Variants in SNTG1 observed in about 807,000 individuals in gnomAD.
SNTG1 encodes the protein gamma-1-syntrophin.
SNTG1 carries 39 observed loss-of-function variants against 74.7 expected under a neutral mutation model. The observed-to-expected ratio is 0.52, with a 90% CI of 0.40 to 0.68. SNTG1 has a LOEUF of 0.68. Ranked by LOEUF, SNTG1 falls within the 30% of genes least tolerant of loss-of-function variation. The pLI is 0.00. For missense variants in SNTG1, 685 were observed against 609.5 expected (o/e 1.12, Z -1.30); for synonymous variants, 254 against 217.1 (o/e 1.17, Z -1.49).
intron 2 of SNTG1, among the ~76,000 whole-genome samples, chr8:50,333,999 C>A (rs539327879): frequency 6.6e-6 from 1 of 152,250 alleles, no homozygotes; most frequent in African/African-American, 2.4e-5. Context: ...CGGGTTCAAG[C>A]GATTCTCCTG....
chr8:50,488,413 T>C (rs1394118626), intron 8 of SNTG1, among the ~76,000 whole-genome samples: 4 of 152,184 alleles, frequency 2.6e-5, no homozygotes, highest in Non-Finnish European at 5.9e-5. Context: ...CCTAAGTATC[T>C]GTATGGCAAA....
At chr8:49,961,876 C>T (rs1456392275) in intron 1 of SNTG1, among the ~76,000 whole-genome samples, 1 of 152,168 alleles carries the variant, frequency 6.6e-6, no homozygotes, top group African/African-American at 2.4e-5. Flanking sequence ...TAAGTACTAT[C>T]AAGTCACCTC....
At chr8:49,939,540 A>T (rs1160699117) in intron 1 of SNTG1, among the ~76,000 whole-genome samples, 8 of 152,172 alleles carry the variant, frequency 5.3e-5, no homozygotes, top group Admixed American at 4.6e-4. Context: ...GGCTCAAACA[A>T]TCTTTTCCAC....
At chr8:50,341,980 T>C (rs924076530) in intron 2 of SNTG1, among the ~76,000 whole-genome samples, 54 of 152,090 alleles carry the variant, frequency 3.6e-4, no homozygotes, top group Non-Finnish European at 1.5e-5. Context: ...ATTAAATTTC[T>C]ATTCCAAATA....
chr8:50,698,225 T>C (rs2095411680), intron 15 of SNTG1, among the ~76,000 whole-genome samples: 1 of 152,184 alleles, frequency 6.6e-6, no homozygotes, highest in South Asian at 2.1e-4. Context: ...GGTTTTCTAG[T>C]TTGTGAGCAT....
chr8:50,395,466 C>T lies in SNTG1; in HGVS notation c.27+1201C>T, dbSNP rs144634682. Among the ~76,000 whole-genome samples, 10 of 138,886 alleles carry T rather than the reference C, an allele frequency of 7.2e-5. No homozygotes were observed. The East Asian group carries it at 1.9e-3, about 27-fold the overall frequency. 91.1% of individuals were successfully genotyped at this position (138,886 alleles called of 152,430 possible). A position where few individuals can be genotyped will look rare whatever the true frequency, so the allele number is the denominator to read the frequency against. ...TATTTTTAAAAACTGAATTAATGTT[C>T]TAGAAGCTTTGTATTTTAAATTTTA... On this transcript the variant is annotated intron_variant, in intron 3 of 18. Coordinates refer to ENST00000642720, the MANE Select transcript of SNTG1 (RefSeq NM_018967.5).
At chr8:50,541,471 T>G (rs986513418) in intron 11 of SNTG1, among the ~76,000 whole-genome samples, 1 of 152,122 alleles carries the variant, frequency 6.6e-6, no homozygotes, top group African/African-American at 2.4e-5. Flanking sequence ...TCTTCACCTC[T>G]GTTATTTGAT....
chr8:50,705,588 ACACT>A (rs1222662363), intron 16 of SNTG1, among the ~76,000 whole-genome samples: 20 of 152,134 alleles, frequency 1.3e-4, no homozygotes, highest in African/African-American at 4.6e-4. Context: ...AGGATTGCAC[ACACT>A]CAGTCTGTTT....
chr8:50,348,543 G>A (rs10504104), intron 2 of SNTG1, among the ~76,000 whole-genome samples: 11,890 of 152,212 alleles, frequency 0.078, 540 homozygotes, highest in African/African-American at 0.12. Context: ...TCACCGCAAG[G>A]AGTAAGGTCT....
intron 2 of SNTG1, among the ~76,000 whole-genome samples, chr8:50,185,817 T>C (rs934582213): frequency 6.6e-6 from 1 of 152,068 alleles, no homozygotes; most frequent in African/African-American, 2.4e-5. Context: ...ACACTATTGT[T>C]TTTTATTTTA....
rs181824463 is a variant in SNTG1, at chr8:50,304,453, A to G, written c.-27-89759A>G. ...TTTGAATTAATAATTTTTTGGATTA[A>G]CTATAATACTGCACATTGTATCAAC... On this transcript the variant is annotated intron_variant, in intron 2 of 18. Coordinates refer to ENST00000642720, the MANE Select transcript of SNTG1 (RefSeq NM_018967.5). Among the ~76,000 whole-genome samples, 5 of 152,314 alleles carry G rather than the reference A, an allele frequency of 3.3e-5. No homozygotes were observed. In the East Asian group the frequency reaches 9.6e-4, roughly 29 times the overall value.
chr8:50,475,293 G>C (rs531920909), intron 8 of SNTG1, among the ~76,000 whole-genome samples: 1 of 151,806 alleles, frequency 6.6e-6, no homozygotes. Context: ...GGTTAAGATG[G>C]AACATTTTAT....
chr8:50,605,221 G>A (rs983209210), intron 13 of SNTG1, among the ~76,000 whole-genome samples: 1 of 152,194 alleles, frequency 6.6e-6, no homozygotes, highest in Non-Finnish European at 1.5e-5. Flanking sequence ...GGGAGGGGTG[G>A]TGCAAGCCCT....
chr8:50,412,317 T>C (rs1220279192), intron 4 of SNTG1, among the ~76,000 whole-genome samples: 1 of 152,206 alleles, frequency 6.6e-6, no homozygotes, highest in Non-Finnish European at 1.5e-5. Flanking sequence ...ATTTTGTACC[T>C]ATTTGTCTTT....
chr8:49,978,346 G>A (rs1290304217), intron 1 of SNTG1, among the ~76,000 whole-genome samples: 3 of 152,076 alleles, frequency 2.0e-5, no homozygotes, highest in African/African-American at 7.2e-5. Flanking sequence ...TTAGTCAGGA[G>A]CTAATTAATG....
At chr8:50,032,502 G>C (rs969732302) in intron 1 of SNTG1, among the ~76,000 whole-genome samples, 1 of 151,942 alleles carries the variant, frequency 6.6e-6, no homozygotes, top group African/African-American at 2.4e-5. Context: ...TGGTTCTTTG[G>C]CTAGAAAGTG....
intron 1 of SNTG1, among the ~76,000 whole-genome samples, chr8:50,023,027 T>G (rs1816958020): frequency 6.6e-6 from 1 of 152,188 alleles, no homozygotes; most frequent in Non-Finnish European, 1.5e-5. Context: ...TCTGTGAATA[T>G]ACGATAGGAA....
At chr8:50,554,793 G>C (rs2094446565) in intron 12 of SNTG1, among the ~76,000 whole-genome samples, 1 of 152,136 alleles carries the variant, frequency 6.6e-6, no homozygotes, top group Admixed American at 6.5e-5. Context: ...AAAAATACCT[G>C]AGAGTAGGGA....
intron 1 of SNTG1, among the ~76,000 whole-genome samples, chr8:50,041,073 T>A (rs1818600502): frequency 1.3e-5 from 2 of 152,050 alleles, no homozygotes; most frequent in South Asian, 4.1e-4. Context: ...ATTTTGTATT[T>A]TTAGTAGAGA....
Sources: allele counts gnomAD v4.1 joint callset (sites outside exome capture counted in the v4.1 genomes callset), GRCh38; gene constraint gnomAD v4.1.1; transcripts MANE v1.5; gene names NCBI Gene and HGNC (gene_info 2026-07-23, HGNC 2026-07-21).